The following PDS5B variants were observed in gnomAD, a reference collection of about 807,000 sequenced individuals.
PDS5B encodes PDS5 cohesin associated factor B, also known as sister chromatid cohesion protein PDS5 homolog B.
In PDS5B, 51 loss-of-function variants were observed where a neutral mutation model predicts 184.1. The observed-to-expected ratio is 0.28, with a 90% CI of 0.22 to 0.35. The LOEUF is 0.35. PDS5B is among the 10% of genes least tolerant of loss of function. PDS5B has a pLI of 1.00. For synonymous variants in PDS5B, 566 were observed against 569.2 expected (o/e 0.99, Z 0.08); for missense variants, 1,180 against 1,723.3 (o/e 0.68, Z 5.58).
In PDS5B at chr13:32,775,293, A is replaced by T; in HGVS notation, c.*241A>T. 5.9e-6 allele frequency: 3 copies of T among 511,344 alleles called. No individual in the cohort carries two copies. Among genetic ancestry groups the T allele is most frequent in the Non-Finnish European group, 1.0e-5 (3 of 290,414 alleles). 31.7% of individuals were successfully genotyped at this position (511,344 alleles called of 1,614,324 possible). ...ATGTGCGATGGCTATGTAGACATAA[A>T]GAAGAAACTTGTAAATATCTTTTTT... On this transcript the variant is annotated 3_prime_UTR_variant, in exon 35 of 35. Transcript: ENST00000315596.
At chr13:32,673,660 T>C (rs1950993718) in intron 8 of PDS5B, among the ~76,000 whole-genome samples, 1 of 152,228 alleles carries the variant, frequency 6.6e-6, no homozygotes, top group Non-Finnish European at 1.5e-5. Flanking sequence ...GCTTATGTTT[T>C]CAAGGCACAG....
intron 1 of PDS5B, among the ~76,000 whole-genome samples, chr13:32,645,922 A>G (rs1950207520): frequency 6.6e-6 from 1 of 152,016 alleles, no homozygotes; most frequent in South Asian, 2.1e-4. Context: ...GAGCTTATAA[A>G]TGTAATCATA....
chr13:32,649,569 A>G (rs932041287), intron 2 of PDS5B: 1 of 152,184 alleles, frequency 6.6e-6, no homozygotes, highest in Non-Finnish European at 1.5e-5. Flanking sequence ...GTTGCTTGAT[A>G]TATTATTATT....
At chr13:32,692,614 A>T (rs898078293) in intron 13 of PDS5B, among the ~76,000 whole-genome samples, 12 of 151,600 alleles carry the variant, frequency 7.9e-5, no homozygotes, top group African/African-American at 2.7e-4. Context: ...CTAATTGTCT[A>T]TTTAAAATGT....
At chr13:32,696,158 G>C (rs1951697052) in intron 14 of PDS5B, among the ~76,000 whole-genome samples, 1 of 151,998 alleles carries the variant, frequency 6.6e-6, no homozygotes, top group African/African-American at 2.4e-5. Flanking sequence ...TGGTCTTTTT[G>C]TGTATTTATT....
At chr13:32,611,009 A>C (rs2058133350) in intron 1 of PDS5B, among the ~76,000 whole-genome samples, 1 of 151,778 alleles carries the variant, frequency 6.6e-6, no homozygotes, top group Non-Finnish European at 1.5e-5. Context: ...TTTTTTCATA[A>C]AGTAGTGTTA....
At chr13:32,708,373 A>G (rs1952093541) in intron 18 of PDS5B, among the ~76,000 whole-genome samples, 1 of 152,064 alleles carries the variant, frequency 6.6e-6, no homozygotes. Context: ...GTATTTTCCT[A>G]TTGTTGAATA....
chr13:32,755,766 T>G, intron 25 of PDS5B, 76 bp from the exon 26 acceptor site: 1 of 669,394 alleles, frequency 1.5e-6, no homozygotes, highest in Non-Finnish European at 2.6e-6. Flanking sequence ...TTTTCTAACC[T>G]GGATATTTTT....
chr13:32,691,613 C>T (rs1312353246), intron 13 of PDS5B, among the ~76,000 whole-genome samples: 1 of 152,040 alleles, frequency 6.6e-6, no homozygotes, highest in Admixed American at 6.6e-5. Context: ...CTAAGTCCCT[C>T]CTTCAGAGAT....
At chr13:32,706,357 G>A (rs561191702) in intron 17 of PDS5B, among the ~76,000 whole-genome samples, 54 of 151,866 alleles carry the variant, frequency 3.6e-4, no homozygotes, top group African/African-American at 1.2e-3. Context: ...TTAGAAGAAA[G>A]CTTGAAAACA....
intron 17 of PDS5B, among the ~76,000 whole-genome samples, chr13:32,705,620 G>A (rs1348712882): frequency 6.6e-6 from 1 of 151,996 alleles, no homozygotes; most frequent in Non-Finnish European, 1.5e-5. Context: ...TTATAAAAAG[G>A]ACAAATACAT....
At chr13:32,728,593 C>G (rs1434083361) in intron 19 of PDS5B, among the ~76,000 whole-genome samples, 3 of 152,150 alleles carry the variant, frequency 2.0e-5, no homozygotes, top group Non-Finnish European at 2.9e-5. Context: ...TCCTTGGCCT[C>G]CCTGAACTCT....
chr13:32,679,259 C>T (rs924910168), intron 10 of PDS5B, among the ~76,000 whole-genome samples: 1 of 152,054 alleles, frequency 6.6e-6, no homozygotes, highest in South Asian at 2.1e-4. Flanking sequence ...AAGACCTGTT[C>T]AAATCCAAAT....
At chr13:32,755,519 AGTTT>A (rs1429610500) in intron 25 of PDS5B, among the ~76,000 whole-genome samples, 1 of 152,114 alleles carries the variant, frequency 6.6e-6, no homozygotes, top group African/African-American at 2.4e-5. Flanking sequence ...TCTTGAATAT[AGTTT>A]GTTTGGGTCA....
intron 1 of PDS5B, among the ~76,000 whole-genome samples, chr13:32,627,728 G>T (rs1206609410): frequency 6.6e-6 from 1 of 152,184 alleles, no homozygotes; most frequent in Non-Finnish European, 1.5e-5. Context: ...AAAACTGCAA[G>T]TACATGATAT....
chr13:32,749,943 A>G (rs1322571264), intron 24 of PDS5B, among the ~76,000 whole-genome samples: 2 of 152,134 alleles, frequency 1.3e-5, no homozygotes, highest in Non-Finnish European at 2.9e-5. Context: ...ATAAAATTGT[A>G]TTACTCTATT....
chr13:32,622,361 C>CT (rs946379183), intron 1 of PDS5B, among the ~76,000 whole-genome samples: 22 of 150,376 alleles, frequency 1.5e-4, no homozygotes, highest in East Asian at 1.9e-4. Context: ...AAATGACTTT[C>CT]TTTTTTTTTA....
At chr13:32,715,763 A>T (rs1952369798) in intron 19 of PDS5B, among the ~76,000 whole-genome samples, 1 of 151,860 alleles carries the variant, frequency 6.6e-6, no homozygotes, top group Admixed American at 6.6e-5. Context: ...TCCCTGCCTG[A>T]TTCTCCTGCC....
chr13:32,601,945 T>G (rs1293923685), intron 1 of PDS5B, among the ~76,000 whole-genome samples: 3 of 152,260 alleles, frequency 2.0e-5, no homozygotes, highest in African/African-American at 7.2e-5. Context: ...AAGTTGATTT[T>G]TCTTTTGAAT....
Sources: gnomAD v4.1 joint callset for allele counts (sites outside exome capture counted in the v4.1 genomes callset) on GRCh38, gnomAD v4.1.1 for gene constraint, MANE v1.5 for transcripts, NCBI Gene and HGNC (gene_info 2026-07-23, HGNC 2026-07-21) for gene names.